The following KTN1 variants were observed in gnomAD, a reference collection of about 807,000 sequenced individuals.
KTN1 encodes kinectin.
KTN1 carries 130 observed loss-of-function variants against 222.5 expected under a neutral mutation model. The ratio of observed to expected loss-of-function variants is 0.58; its 90% CI spans 0.51 to 0.68. The LOEUF is 0.68. KTN1 is among the 30% of genes least tolerant of loss of function. KTN1 has a pLI of 0.00. For synonymous variants in KTN1, 512 were observed against 496.3 expected (o/e 1.03, Z -0.42); for missense variants, 1,508 against 1,500.4 (o/e 1.01, Z -0.08).
chr14:55,595,012 A>G (rs967044706), intron 1 of KTN1, among the ~76,000 whole-genome samples: 1 of 152,226 alleles, frequency 6.6e-6, no homozygotes, highest in Non-Finnish European at 1.5e-5. Context: ...CCACTAGGGC[A>G]ATAACAAACA....
intron 1 of KTN1, among the ~76,000 whole-genome samples, chr14:55,584,414 T>C (rs372733621): frequency 6.6e-6 from 1 of 152,164 alleles, no homozygotes; most frequent in Admixed American, 6.5e-5. Flanking sequence ...ATAAACACAA[T>C]CAATGAGGAA....
chr14:55,676,767 T>C (rs961868184), intron 41 of KTN1, among the ~76,000 whole-genome samples: 1 of 151,406 alleles, frequency 6.6e-6, no homozygotes, highest in Admixed American at 6.6e-5. Context: ...TTGAAAGAAA[T>C]TTTTTTTTGA....
Position 55,639,320 on chromosome 14 carries a change from C to G in KTN1, c.1823+98C>G. 2 of 752,014 alleles carry G rather than the reference C, an allele frequency of 2.7e-6. 1 individual carries two copies. The highest frequency in any genetic ancestry group is 4.5e-5 in the South Asian group (2 of 44,442). The allele number at this position is 752,014 out of a possible 1,614,324, so 46.6% of individuals were successfully genotyped here. On this transcript the variant is annotated intron_variant, in intron 13 of 43. Coordinates refer to ENST00000395314, the MANE Select transcript of KTN1 (RefSeq NM_001079521.2). ...TGATTAACTTTATACCTCTGACGAC[C>G]TGTTCAGAAAATACTCTGAACTAGA...
chr14:55,590,738 C>T (rs1054672737), intron 1 of KTN1, among the ~76,000 whole-genome samples: 14 of 151,034 alleles, frequency 9.3e-5, no homozygotes, highest in East Asian at 1.9e-4. Flanking sequence ...TGCAGTGGCG[C>T]GATCTTGGCT....
chr14:55,607,749 A>T (rs998812941), intron 1 of KTN1, among the ~76,000 whole-genome samples: 1 of 152,182 alleles, frequency 6.6e-6, no homozygotes, highest in Non-Finnish European at 1.5e-5. Flanking sequence ...AAGCCAGGCT[A>T]GGTGGTACAT....
chr14:55,644,556 A>G (rs1296104800), intron 18 of KTN1: 1 of 470,038 alleles, frequency 2.1e-6, no homozygotes, highest in East Asian at 3.2e-5. Flanking sequence ...TACTCAGAAT[A>G]AGACTTTTTT....
chr14:55,593,514 G>A (rs1276458536), intron 1 of KTN1, among the ~76,000 whole-genome samples: 3 of 142,772 alleles, frequency 2.1e-5, no homozygotes, highest in Non-Finnish European at 4.5e-5. Flanking sequence ...ACTGGGAAAC[G>A]CGCTAGGACT....
intron 1 of KTN1, among the ~76,000 whole-genome samples, chr14:55,608,540 A>G (rs1428319532): frequency 1.3e-5 from 2 of 151,858 alleles, no homozygotes; most frequent in East Asian, 1.9e-4. Context: ...TTTAATACCT[A>G]TACTTTGAGT....
At chr14:55,683,212 G>A (rs566028587) in intron 43 of KTN1, 4 of 152,118 alleles carry the variant, frequency 2.6e-5, no homozygotes, top group South Asian at 4.2e-4. Flanking sequence ...TAGACTTTCC[G>A]ATCAACTGTT....
intron 35 of KTN1, chr14:55,671,299 A>G (rs1280379456): frequency 9.4e-6 from 4 of 424,108 alleles, no homozygotes; most frequent in African/African-American, 8.3e-5. Context: ...CATTGTGACC[A>G]TACTTCACAT....
chr14:55,599,850 C>T (rs1164615650), intron 1 of KTN1, among the ~76,000 whole-genome samples: 1 of 152,028 alleles, frequency 6.6e-6, no homozygotes, highest in Admixed American at 6.5e-5. Context: ...AGCAAACAAG[C>T]TTTCTCTTGT....
intron 5 of KTN1, among the ~76,000 whole-genome samples, chr14:55,620,543 C>T (rs550531057): frequency 6.6e-6 from 1 of 152,324 alleles, no homozygotes; most frequent in South Asian, 2.1e-4. Context: ...TTTCCCAAAA[C>T]TCAAATCTTG....
intron 34 of KTN1, chr14:55,667,751 A>G (rs1395326832): frequency 6.6e-6 from 1 of 152,654 alleles, no homozygotes; most frequent in Non-Finnish European, 1.5e-5. Context: ...GTCATCTATT[A>G]CCTTCTTCAA....
At position 55,590,399 on chromosome 14, in the gene KTN1, C is replaced by T. The variant is rs572712102; in HGVS notation, c.-31+10045C>T. Reference sequence around the variant, plus strand: ...AAATTTTTTCTTTTAAAATAAAATACGTATGAGATAATATTTTAAGAGTAC... The same window carrying T: ...AAATTTTTTCTTTTAAAATAAAATATGTATGAGATAATATTTTAAGAGTAC... On this transcript the variant is annotated intron_variant, in intron 1 of 43. Coordinates refer to ENST00000395314, the MANE Select transcript of KTN1 (RefSeq NM_001079521.2). 2.2e-4 allele frequency among the ~76,000 whole-genome samples: 34 copies of T among 152,228 alleles called. 1 individual carries two copies. In the Middle Eastern group the frequency reaches 0.014, roughly 61 times the overall value.
At chr14:55,656,411 C>T in intron 29 of KTN1, 1 of 293,836 alleles carries the variant, frequency 3.4e-6, no homozygotes, top group Non-Finnish European at 6.2e-6. Context: ...CCATATAAAG[C>T]ACATTTCTGC....
At chr14:55,682,196 G>T (rs2046431173) in intron 43 of KTN1, 1 of 152,068 alleles carries the variant, frequency 6.6e-6, no homozygotes, top group Non-Finnish European at 1.5e-5. Context: ...AGCTGTAGGG[G>T]TAGGTGTATT....
rs2038648242 is a variant in KTN1 at position 55,618,128 on chromosome 14, G to A, written c.826G>A (p.Asp276Asn). The A allele has an allele frequency of 1.2e-6, 2 of 1,609,452 alleles. No homozygotes were observed. Among genetic ancestry groups the A allele is most frequent in the Non-Finnish European group, 1.7e-6 (2 of 1,178,164 alleles). ...GACTAAAAAACTGAAGACCGAAACTGACAAAGGTAATATATGGGATTTATA... is the reference window on the plus strand; with the variant it reads ...GACTAAAAAACTGAAGACCGAAACTAACAAAGGTAATATATGGGATTTATA... ...SGTKKLKTET[D>N]KENAEVKFKD... The change falls in exon 4 of 44, where the codon GAC (aspartate) becomes AAC (asparagine). Residue 276 changes from aspartate (D) to asparagine (N), a missense_variant. Asp to Asn is a conservative substitution (Grantham distance 23). Transcript: ENST00000395314.
chr14:55,624,384 A>G (rs570301757), intron 5 of KTN1, among the ~76,000 whole-genome samples: 17 of 152,358 alleles, frequency 1.1e-4, no homozygotes, highest in Non-Finnish European at 2.4e-4. Context: ...AGAAGAGTCC[A>G]TGGTGACTGC....
At chr14:55,606,864 G>A (rs566918421) in intron 1 of KTN1, among the ~76,000 whole-genome samples, 1 of 152,204 alleles carries the variant, frequency 6.6e-6, no homozygotes, top group South Asian at 2.1e-4. Context: ...TATCATCTAT[G>A]AGTGTATATA....
Sources: allele counts gnomAD v4.1 joint callset (sites outside exome capture counted in the v4.1 genomes callset), GRCh38; gene constraint gnomAD v4.1.1; transcripts MANE v1.5; gene names NCBI Gene and HGNC (gene_info 2026-07-23, HGNC 2026-07-21).